PECAM1: variants seen among roughly 807,000 people sequenced by gnomAD.
PECAM1 encodes platelet and endothelial cell adhesion molecule 1, also known as platelet endothelial cell adhesion molecule.
In PECAM1, 8 loss-of-function variants were observed where a neutral mutation model predicts 13.8. That is an observed-to-expected ratio of 0.58 (90% CI 0.34 to 1.05). The LOEUF (loss-of-function observed/expected upper bound fraction) is 1.05. Ranked by LOEUF, PECAM1 falls within the 50% of genes least tolerant of loss-of-function variation. The pLI is 0.03. For synonymous variants in PECAM1, 136 were observed against 52.6 expected, an observed-to-expected ratio of 2.58 and a Z score of -6.86; for missense variants, 304 against 141.2, an observed-to-expected ratio of 2.15 and a Z score of -5.84.
At chr17:64,383,388 A>ACCTT (rs2036525419) in intron 2 of PECAM1, among the ~76,000 whole-genome samples, 1 of 151,914 alleles carries the variant, frequency 6.6e-6, no homozygotes. Context: ...CTAAACAGTG[A>ACCTT]CTGCGCCAAA....
At chr17:64,334,574 T>C (rs2035218436) in intron 14 of PECAM1, among the ~76,000 whole-genome samples, 4 of 151,968 alleles carry the variant, frequency 2.6e-5, no homozygotes, top group African/African-American at 9.7e-5. Context: ...ACTGGTGCGA[T>C]CTTGGCTCAC....
rs547916812 is a variant in PECAM1 at position 64,323,448 on chromosome 17, T to G, written c.*368A>C. The G allele has an allele frequency of 2.5e-5, 29 of 1,163,152 alleles. No homozygotes were observed. In the East Asian group the frequency reaches 1.5e-3, roughly 58 times the overall value. 72.1% of individuals were successfully genotyped at this position (1,163,152 alleles called of 1,614,324 possible). A position where few individuals can be genotyped will look rare whatever the true frequency, so the allele number is the denominator to read the frequency against. ...AATGATTGAGTATAAAAAAGAAAAT[T>G]GGTTTCTGTGTATGAGGGTGCATGG... is the stretch of plus-strand genomic sequence containing the variant. On this transcript the variant is annotated 3_prime_UTR_variant, in exon 16 of 16. Transcript: ENST00000563924.
intron 6 of PECAM1, among the ~76,000 whole-genome samples, chr17:64,362,338 A>T (rs904665418): frequency 6.6e-5 from 10 of 152,210 alleles, no homozygotes; most frequent in Non-Finnish European, 1.2e-4. Flanking sequence ...GCCAGGATAC[A>T]GATTTAAAAA....
chr17:64,372,678 T>C (rs1199560312), intron 4 of PECAM1, among the ~76,000 whole-genome samples: 1 of 151,894 alleles, frequency 6.6e-6, no homozygotes, highest in African/African-American at 2.4e-5. Flanking sequence ...AATTTTTGTA[T>C]TTTTAGTAGA....
chr17:64,383,489 T>C (rs1487935762), intron 2 of PECAM1, among the ~76,000 whole-genome samples: 2 of 152,022 alleles, frequency 1.3e-5, no homozygotes, highest in African/African-American at 4.8e-5. Flanking sequence ...GCACCATTCA[T>C]AGCAAACATT....
rs1209423547 is a variant in PECAM1 at position 64,323,638 on chromosome 17, C to T, written c.*178G>A. 6 of 1,463,316 alleles carry T rather than the reference C, an allele frequency of 4.1e-6. No homozygotes were observed. The African/African-American group carries it at 8.5e-5, about 21-fold the overall frequency. The allele number at this position is 1,463,316 out of a possible 1,614,324, so 90.6% of individuals were successfully genotyped here. ...ACAGCCCCTCTGTATCTCTTTCTAC[C>T]CAACATTAACTTAGCAGGATGGATT... On this transcript the variant is annotated 3_prime_UTR_variant, in exon 16 of 16. Coordinates refer to ENST00000563924, the MANE Select transcript of PECAM1 (RefSeq NM_000442.5).
intron 2 of PECAM1, among the ~76,000 whole-genome samples, chr17:64,386,429 AGAAT>A: frequency 6.6e-6 from 1 of 151,860 alleles, no homozygotes; most frequent in East Asian, 1.9e-4. Context: ...AGAAAAAGAA[AGAAT>A]ATGTTCTAGA....
Position 64,322,661 on chromosome 17 carries a change from G to A in PECAM1, c.*1155C>T. ...AGCAGCCTCTCTCCCACCCACTCAAGACACTGTCAGGAATGTCTTAAGACC... is the reference window on the plus strand; with the variant it reads ...AGCAGCCTCTCTCCCACCCACTCAAAACACTGTCAGGAATGTCTTAAGACC... On this transcript the variant is annotated 3_prime_UTR_variant, in exon 16 of 16. Coordinates refer to ENST00000563924, the MANE Select transcript of PECAM1 (RefSeq NM_000442.5). The A allele has an allele frequency of 3.0e-6, 3 of 985,372 alleles. No homozygotes were observed. The highest frequency in any genetic ancestry group is 3.6e-6 in the Non-Finnish European group (3 of 829,900). The allele number at this position is 985,372 out of a possible 1,614,324, so 61.0% of individuals were successfully genotyped here. A position where few individuals can be genotyped will look rare whatever the true frequency, so the allele number is the denominator to read the frequency against.
chr17:64,367,615 C>A (rs1382194241), intron 5 of PECAM1, among the ~76,000 whole-genome samples: 2 of 151,792 alleles, frequency 1.3e-5, no homozygotes, highest in Admixed American at 1.3e-4. Context: ...ATGGAAAGGC[C>A]TGTTGGAGAA....
chr17:64,368,096 C>T (rs1379104312), intron 5 of PECAM1, among the ~76,000 whole-genome samples: 3 of 152,176 alleles, frequency 2.0e-5, no homozygotes, highest in Non-Finnish European at 2.9e-5. Flanking sequence ...AGAACCCCTT[C>T]ACCGTGCAAC....
chr17:64,388,953 C>T (rs1451766253), intron 2 of PECAM1, among the ~76,000 whole-genome samples: 9 of 152,148 alleles, frequency 5.9e-5, no homozygotes, highest in African/African-American at 1.9e-4. Flanking sequence ...CAGGTGTGAG[C>T]CAACGCGGCT....
chr17:64,383,121 C>T (rs2036519097), intron 2 of PECAM1, among the ~76,000 whole-genome samples: 2 of 152,196 alleles, frequency 1.3e-5, no homozygotes, highest in African/African-American at 2.4e-5. Flanking sequence ...CAGTTTTGCT[C>T]ACTCCACTGC....
At chr17:64,358,185 CTT>C (rs1358768024) in intron 7 of PECAM1, among the ~76,000 whole-genome samples, 1 of 130,080 alleles carries the variant, frequency 7.7e-6, no homozygotes, top group East Asian at 2.6e-4. Flanking sequence ...GTGGCACGAT[CTT>C]GGCTCACTGC....
chr17:64,330,334 AAC>A (rs1555646458), intron 14 of PECAM1, among the ~76,000 whole-genome samples: 2 of 151,372 alleles, frequency 1.3e-5, no homozygotes, highest in African/African-American at 4.9e-5. Flanking sequence ...TAACATTTTA[AAC>A]AGTTTTTTAG....
chr17:64,364,568 C>T (rs1375939336), intron 5 of PECAM1, among the ~76,000 whole-genome samples: 3 of 151,076 alleles, frequency 2.0e-5, no homozygotes, highest in Non-Finnish European at 4.4e-5. Flanking sequence ...TGCAAAAATC[C>T]TCAATAAAAT....
At chr17:64,380,058 G>A (rs1031381874) in intron 2 of PECAM1, among the ~76,000 whole-genome samples, 3 of 151,238 alleles carry the variant, frequency 2.0e-5, no homozygotes, top group African/African-American at 4.9e-5. Flanking sequence ...GAGGCCAGGC[G>A]CAGTGGCTCA....
chr17:64,345,091 A>T (rs1217129680), intron 13 of PECAM1, among the ~76,000 whole-genome samples: 1 of 152,202 alleles, frequency 6.6e-6, no homozygotes, highest in East Asian at 1.9e-4. Context: ...GGCTCAAGTG[A>T]TCCTCTCGCC....
intron 14 of PECAM1, among the ~76,000 whole-genome samples, chr17:64,330,453 A>G (rs2035080112): frequency 6.6e-6 from 1 of 152,100 alleles, no homozygotes; most frequent in Admixed American, 6.5e-5. Flanking sequence ...CCTGGCCAAC[A>G]TGGTGAAATC....
chr17:64,325,539 C>A (rs1451576315), intron 15 of PECAM1, among the ~76,000 whole-genome samples: 1 of 152,202 alleles, frequency 6.6e-6, no homozygotes, highest in African/African-American at 2.4e-5. Context: ...AGTTCCAGAA[C>A]AGCCTGGGCA....
Sources: allele counts gnomAD v4.1 joint callset (sites outside exome capture counted in the v4.1 genomes callset), GRCh38; gene constraint gnomAD v4.1.1; transcripts MANE v1.5; gene names NCBI Gene and HGNC (gene_info 2026-07-23, HGNC 2026-07-21).